The following PDE1A variants were observed in gnomAD, a reference collection of about 807,000 sequenced individuals.
PDE1A encodes phosphodiesterase 1A, also known as dual specificity calcium/calmodulin-dependent 3',5'-cyclic nucleotide phosphodiesterase 1A.
A neutral mutation model predicts 61.7 loss-of-function variants in PDE1A; 35 were observed. The ratio of observed to expected loss-of-function variants is 0.57; its 90% CI spans 0.43 to 0.75. PDE1A has a LOEUF of 0.75. Ranked by LOEUF, PDE1A falls within the 30% of genes least tolerant of loss-of-function variation. The probability of loss-of-function intolerance (pLI) is 0.00; values close to 1 mark genes in which losing one functional copy is unlikely to be tolerated. For synonymous variants in PDE1A, 232 were observed against 213.2 expected (o/e 1.09, Z -0.77); for missense variants, 597 against 630.6 (o/e 0.95, Z 0.57).
chr2:182,284,234 A>C (rs886790029), intron 1 of PDE1A, among the ~76,000 whole-genome samples: 1 of 152,172 alleles, frequency 6.6e-6, no homozygotes, highest in African/African-American at 2.4e-5. Context: ...GAAAGATTTC[A>C]AGAAATTGTC....
chr2:182,556,685 G>A, the PDE1A span, among the ~76,000 whole-genome samples: 10 of 152,046 alleles, frequency 6.6e-5, no homozygotes, highest in Admixed American at 2.0e-4. Flanking sequence ...TGAATGCACT[G>A]CCCTAATTTT....
At chr2:182,661,715 A>G in the PDE1A span, among the ~76,000 whole-genome samples, 2 of 152,194 alleles carry the variant, frequency 1.3e-5, no homozygotes, top group African/African-American at 4.8e-5. Context: ...ATTGGATGTA[A>G]TGGTTGGATG....
the PDE1A span, among the ~76,000 whole-genome samples, chr2:182,660,813 G>A: frequency 1.3e-5 from 2 of 152,212 alleles, no homozygotes; most frequent in Admixed American, 6.5e-5. Context: ...GAACCACAGC[G>A]AAGCTGGCAC....
chr2:182,561,135 C>A, the PDE1A span, among the ~76,000 whole-genome samples: 6 of 149,908 alleles, frequency 4.0e-5, no homozygotes, highest in African/African-American at 1.5e-4. Flanking sequence ...CTTGCCCAAG[C>A]CTATGTCCTG....
At chr2:182,509,964 G>A (rs1331060749) in intron 2 of PDE1A, among the ~76,000 whole-genome samples, 1 of 152,046 alleles carries the variant, frequency 6.6e-6, no homozygotes, top group Non-Finnish European at 1.5e-5. Context: ...TACTTATGCA[G>A]AGTTTAGTTA....
intron 1 of PDE1A, among the ~76,000 whole-genome samples, chr2:182,335,976 T>A (rs558029513): frequency 6.6e-6 from 1 of 152,278 alleles, no homozygotes; most frequent in South Asian, 2.1e-4. Flanking sequence ...CAGACACTTA[T>A]CAAAAGTAGA....
intron 1 of PDE1A, among the ~76,000 whole-genome samples, chr2:182,374,276 T>C (rs1021028120): frequency 3.3e-5 from 5 of 152,104 alleles, no homozygotes; most frequent in Non-Finnish European, 5.9e-5. Context: ...TGAATATTCA[T>C]ATAGAAAGAA....
chr2:182,294,877 G>T (rs565571227), intron 1 of PDE1A, among the ~76,000 whole-genome samples: 1 of 152,058 alleles, frequency 6.6e-6, no homozygotes, highest in East Asian at 1.9e-4. Flanking sequence ...ACAAATCAAA[G>T]TTATAAGGGA....
At chr2:182,396,792 T>C (rs1701729514) in intron 1 of PDE1A, among the ~76,000 whole-genome samples, 1 of 152,204 alleles carries the variant, frequency 6.6e-6, no homozygotes, top group African/African-American at 2.4e-5. Flanking sequence ...TTGAAGATTA[T>C]GTATGATTTC....
intron 10 of PDE1A, among the ~76,000 whole-genome samples, chr2:182,194,471 C>T (rs371864083): frequency 1.6e-4 from 25 of 152,168 alleles, no homozygotes; most frequent in African/African-American, 6.0e-4. Context: ...TGTTGATCTG[C>T]ATGAAAACTC....
At chr2:182,455,926 G>C (rs1035391519) in intron 2 of PDE1A, among the ~76,000 whole-genome samples, 2 of 148,702 alleles carry the variant, frequency 1.3e-5, no homozygotes, top group Non-Finnish European at 3.0e-5. Flanking sequence ...CAGGTTAAGA[G>C]AAAAAAAAAA....
chr2:182,710,469 A>G, the PDE1A span, among the ~76,000 whole-genome samples: 1 of 152,320 alleles, frequency 6.6e-6, no homozygotes, highest in African/African-American at 2.4e-5. Flanking sequence ...TATTCATCTT[A>G]CAACTTAAAG....
chr2:182,238,793 G>GA (rs1416140335), intron 3 of PDE1A, among the ~76,000 whole-genome samples: 1 of 152,066 alleles, frequency 6.6e-6, no homozygotes, highest in East Asian at 1.9e-4. Flanking sequence ...TGTAACATAT[G>GA]AAAAAATTGA....
chr2:182,243,897 C>T (rs898846534), intron 2 of PDE1A, among the ~76,000 whole-genome samples: 2 of 152,010 alleles, frequency 1.3e-5, no homozygotes, highest in South Asian at 4.2e-4. Flanking sequence ...GATGGAGTTT[C>T]GCTCTTGATG....
chr2:182,580,721 A>G, the PDE1A span, among the ~76,000 whole-genome samples: 5 of 152,172 alleles, frequency 3.3e-5, no homozygotes, highest in Non-Finnish European at 2.9e-5. Flanking sequence ...TTTAATTTAA[A>G]TGTATTACTA....
chr2:182,412,841 A>G (rs1320217882), intron 1 of PDE1A, among the ~76,000 whole-genome samples: 1 of 152,242 alleles, frequency 6.6e-6, no homozygotes, highest in Non-Finnish European at 1.5e-5. Context: ...TGCATTAAAC[A>G]ATGACACAAA....
intron 2 of PDE1A, among the ~76,000 whole-genome samples, chr2:182,480,165 AAAC>A (rs1258333992): frequency 6.6e-6 from 1 of 151,916 alleles, no homozygotes; most frequent in Non-Finnish European, 1.5e-5. Context: ...TTTATGACAA[AAAC>A]AACAATTTTC....
intron 6 of PDE1A, among the ~76,000 whole-genome samples, chr2:182,227,600 G>T (rs1689240587): frequency 6.6e-6 from 1 of 152,034 alleles, no homozygotes; most frequent in Admixed American, 6.6e-5. Flanking sequence ...TAGGCACTAG[G>T]TTAGGTGCCT....
chr2:182,713,194 C>G, the PDE1A span, among the ~76,000 whole-genome samples: 2 of 152,122 alleles, frequency 1.3e-5, no homozygotes. Flanking sequence ...CAAATCTTTG[C>G]CCCTAGAGTA....
Sources: allele counts gnomAD v4.1 joint callset (sites outside exome capture counted in the v4.1 genomes callset), GRCh38; gene constraint gnomAD v4.1.1; transcripts MANE v1.5; gene names NCBI Gene and HGNC (gene_info 2026-07-23, HGNC 2026-07-21).